Variants in SUN1 observed in about 807,000 individuals in gnomAD.
The protein encoded by SUN1 is SUN domain-containing protein 1.
SUN1 carries 61 observed loss-of-function variants against 103.2 expected under a neutral mutation model. The ratio of observed to expected loss-of-function variants is 0.59; its 90% CI spans 0.48 to 0.73. The LOEUF (loss-of-function observed/expected upper bound fraction) is 0.73. Ranked by LOEUF, SUN1 falls within the 30% of genes least tolerant of loss-of-function variation. SUN1 has a pLI of 0.00. For synonymous variants in SUN1, 490 were observed against 425.7 expected (o/e 1.15, Z -1.86); for missense variants, 1,052 against 1,034.6 (o/e 1.02, Z -0.23).
chr7:859,376 T>G (rs1830388400), intron 13 of SUN1, among the ~76,000 whole-genome samples: 1 of 152,098 alleles, frequency 6.6e-6, no homozygotes, highest in African/African-American at 2.4e-5. Context: ...TATTAACCAG[T>G]GACAAATACA....
At chr7:839,840 C>T in intron 2 of SUN1, among the ~76,000 whole-genome samples, 1 of 152,142 alleles carries the variant, frequency 6.6e-6, no homozygotes, top group East Asian at 1.9e-4. Flanking sequence ...AGGCGTGAGC[C>T]ACTGCGCCCG....
intron 5 of SUN1, among the ~76,000 whole-genome samples, chr7:846,636 G>C (rs1816085118): frequency 6.6e-6 from 1 of 152,092 alleles, no homozygotes; most frequent in South Asian, 2.1e-4. Context: ...GATCTTGTGG[G>C]AGGCGGAGGT....
intron 1 of SUN1, 44 bp from the exon 2 acceptor site, chr7:838,754 G>T: frequency 1.4e-6 from 2 of 1,457,178 alleles, no homozygotes; most frequent in Non-Finnish European, 1.8e-6. Flanking sequence ...TTCAGAATGG[G>T]GGCTATAAGC....
rs1209972726 is a variant in SUN1, at chr7:869,248, A to T, written c.1981-101A>T. On this transcript the variant is annotated intron_variant, in intron 16 of 18. Coordinates refer to ENST00000401592, the MANE Select transcript of SUN1 (RefSeq NM_001130965.3). ...GCTCATGGCAGTTTCTACCATGTAA[A>T]ACTTATTTTTATCTCAGTATAATCA... 2.1e-6 allele frequency: 3 copies of T among 1,434,672 alleles called. No individual in the cohort carries two copies. In the African/African-American group the frequency reaches 4.3e-5, roughly 20 times the overall value. The allele number at this position is 1,434,672 out of a possible 1,614,324, so 88.9% of individuals were successfully genotyped here.
intron 16 of SUN1, chr7:868,363 C>G (rs1003700732): frequency 8.6e-6 from 2 of 232,786 alleles, no homozygotes; most frequent in Non-Finnish European, 1.7e-5. Flanking sequence ...AGGCCAGAGG[C>G]AGATGTGTGC....
In SUN1 at chr7:850,180, A is replaced by C. The variant is rs192200022; in HGVS notation, c.659-1204A>C. On this transcript the variant is annotated intron_variant, in intron 5 of 18. Coordinates refer to ENST00000401592, the MANE Select transcript of SUN1 (RefSeq NM_001130965.3). ...ATTAACTTTGGTTTAAAACAGGGTG[A>C]ATCTCTCTCGAAAAGCTCCCTTGTA... is the stretch of plus-strand genomic sequence containing the variant. The C allele has an allele frequency of 1.9e-5, 14 of 736,236 alleles. No individual in the cohort carries two copies. The East Asian group carries it at 3.6e-4, about 19-fold the overall frequency. 45.6% of individuals were successfully genotyped at this position (736,236 alleles called of 1,614,324 possible). A position where few individuals can be genotyped will look rare whatever the true frequency, so the allele number is the denominator to read the frequency against.
At chr7:826,439 A>G (rs2128180439) in intron 1 of SUN1, among the ~76,000 whole-genome samples, 1 of 152,246 alleles carries the variant, frequency 6.6e-6, no homozygotes, top group East Asian at 1.9e-4. Context: ...CTGGCGAAAC[A>G]TCGCTGCCCA....
chr7:851,684 G>A (rs2128384987), intron 6 of SUN1: 1 of 648,504 alleles, frequency 1.5e-6, no homozygotes. Context: ...CTCTGGGGTT[G>A]GGTCTGGGGG....
At chr7:837,707 G>C (rs1024373957) in intron 1 of SUN1, among the ~76,000 whole-genome samples, 2 of 152,222 alleles carry the variant, frequency 1.3e-5, no homozygotes, top group African/African-American at 4.8e-5. Flanking sequence ...ACTGGGCTGT[G>C]TTGATTCCTG....
chr7:853,173 A>G (rs1823855190), intron 9 of SUN1: 4 of 751,642 alleles, frequency 5.3e-6, no homozygotes, highest in Non-Finnish European at 8.4e-6. Flanking sequence ...TTTTAAAAAC[A>G]TAATAGTATT....
chr7:826,291 C>CAACCCCGGTCTGGGGTG (rs1554260460), intron 1 of SUN1, among the ~76,000 whole-genome samples: 2 of 151,260 alleles, frequency 1.3e-5, no homozygotes, highest in African/African-American at 4.9e-5. Context: ...GGCTAGCTGC[C>CAACCCCGGTCTGGGGTG]GTTTGACAAC....
intron 11 of SUN1, among the ~76,000 whole-genome samples, chr7:855,746 C>G (rs139247147): frequency 6.6e-6 from 1 of 152,134 alleles, no homozygotes; most frequent in Non-Finnish European, 1.5e-5. Flanking sequence ...GTCTGCGGGG[C>G]GCCTCCTCCT....
Position 839,236 on chromosome 7 carries a change from G to T in SUN1, c.266+250G>T, listed in dbSNP as rs1324466446. On this transcript the variant is annotated intron_variant, in intron 2 of 18. Coordinates refer to ENST00000401592, the MANE Select transcript of SUN1 (RefSeq NM_001130965.3). ...GCTGTTCTTGTTTCAAGTTCTCTTC[G>T]CTGGTGCACGCCACGTGCAGTGCCA... The T allele has an allele frequency of 3.0e-5, 12 of 403,816 alleles. No homozygotes were observed. The South Asian group carries it at 7.8e-4, about 26-fold the overall frequency. The allele number at this position is 403,816 out of a possible 1,614,324, so 25.0% of individuals were successfully genotyped here. A position where few individuals can be genotyped will look rare whatever the true frequency, so the allele number is the denominator to read the frequency against.
chr7:827,448 G>C (rs1793297032), intron 1 of SUN1, among the ~76,000 whole-genome samples: 1 of 150,344 alleles, frequency 6.7e-6, no homozygotes, highest in East Asian at 2.0e-4. Context: ...TGGAGAGTAG[G>C]ACTAAAATCT....
chr7:834,563 T>C (rs906822746), intron 1 of SUN1, among the ~76,000 whole-genome samples: 2 of 152,202 alleles, frequency 1.3e-5, no homozygotes, highest in Non-Finnish European at 2.9e-5. Flanking sequence ...CCTTACACTC[T>C]TCTCTGCTTC....
At chr7:851,308 G>T (rs188848241) in intron 5 of SUN1, 76 bp from the exon 6 acceptor site, 2 of 1,308,336 alleles carry the variant, frequency 1.5e-6, no homozygotes, top group East Asian at 5.1e-5. Context: ...TGTGGCTTGG[G>T]CGTCCCCACC....
At chr7:850,044 G>T in intron 5 of SUN1, 3 of 1,565,822 alleles carry the variant, frequency 1.9e-6, no homozygotes, top group Non-Finnish European at 8.6e-7. Flanking sequence ...GTTGTCTCTC[G>T]CCCCGTCTCC....
upstream of SUN1, among the ~76,000 whole-genome samples, chr7:827,900 TTTTG>T (rs201434160): frequency 7.7e-3 from 1,165 of 152,270 alleles, 52 homozygotes; most frequent in East Asian, 0.14. Context: ...CTTACGTAGT[TTTTG>T]TTTGTTTGTT....
rs372242822 is a variant in SUN1 at position 852,602 on chromosome 7, C to T, written c.852-7C>T. On this transcript the variant is annotated splice_polypyrimidine_tract_variant and splice_region_variant and intron_variant, in intron 7 of 18. Transcript: ENST00000401592. ...TCTAAGTCAAAGGTTTTCATTGTTACTCCCAGGTGCCTTCGAAACATCTGC... is the reference window on the plus strand; with the variant it reads ...TCTAAGTCAAAGGTTTTCATTGTTATTCCCAGGTGCCTTCGAAACATCTGC... 9 of 1,614,198 alleles carry T rather than the reference C, an allele frequency of 5.6e-6. No individual in the cohort carries two copies. In the Admixed American group the frequency reaches 1.2e-4, roughly 21 times the overall value.
Sources: gnomAD v4.1 joint callset for allele counts (sites outside exome capture counted in the v4.1 genomes callset) on GRCh38, gnomAD v4.1.1 for gene constraint, MANE v1.5 for transcripts, NCBI Gene and HGNC (gene_info 2026-07-23, HGNC 2026-07-21) for gene names.